Variants in L3MBTL4 observed in about 807,000 individuals in gnomAD.
L3MBTL4 encodes the protein lethal(3)malignant brain tumor-like protein 4.
Under a neutral mutation model 84.5 loss-of-function variants are expected in L3MBTL4, and 70 were observed. That is an observed-to-expected ratio of 0.83 (90% CI 0.68 to 1.01). L3MBTL4 has a LOEUF of 1.01. L3MBTL4 is among the 50% of genes least tolerant of loss of function. The pLI, the probability that L3MBTL4 is intolerant of heterozygous loss-of-function variation, is 0.00. For synonymous variants in L3MBTL4, 274 were observed against 259.8 expected (o/e 1.05, Z -0.52); for missense variants, 715 against 754.8 (o/e 0.95, Z 0.62).
chr18:5,958,561 C>T (rs1332542319), intron 18 of L3MBTL4, among the ~76,000 whole-genome samples: 1 of 152,142 alleles, frequency 6.6e-6, no homozygotes, highest in Non-Finnish European at 1.5e-5. Context: ...CTCCTGATAA[C>T]CCTGTAATAT....
At chr18:6,411,542 C>T (rs2055963592) in intron 1 of L3MBTL4, among the ~76,000 whole-genome samples, 1 of 152,172 alleles carries the variant, frequency 6.6e-6, no homozygotes, top group South Asian at 2.1e-4. Context: ...ACAAGACTAA[C>T]CACGCTGTTC....
chr18:6,238,007 A>T lies in L3MBTL4; in HGVS notation c.741T>A (p.Val247=). The change falls in exon 10 of 19, where the codon GTT becomes GTA. Residue 247 remains valine, a synonymous_variant. Transcript: ENST00000317931. ...TTCTTCCATTCTCCTGACACCAACCAACTGGCTGGACATAAGGGCTATTAA... is the reference window on the plus strand; with the variant it reads ...TTCTTCCATTCTCCTGACACCAACCTACTGGCTGGACATAAGGGCTATTAA... ...CDVNSPYVQP[V]GWCQENGRTL... is the part of the protein sequence containing the mutation. 6.2e-7 allele frequency: 1 copy of T among 1,614,168 alleles called. No homozygotes were observed.
At chr18:6,120,007 C>T (rs1406291737) in intron 14 of L3MBTL4, among the ~76,000 whole-genome samples, 1 of 152,200 alleles carries the variant, frequency 6.6e-6, no homozygotes, top group Non-Finnish European at 1.5e-5. Context: ...GTTCTGTTCA[C>T]TCATTTTCAA....
chr18:6,365,731 C>T (rs1356836062), intron 1 of L3MBTL4, among the ~76,000 whole-genome samples: 1 of 152,162 alleles, frequency 6.6e-6, no homozygotes, highest in Admixed American at 6.5e-5. Context: ...GCAAAAATGC[C>T]AGCTTTTGAA....
intron 14 of L3MBTL4, among the ~76,000 whole-genome samples, chr18:6,097,721 GC>G (rs1440040163): frequency 1.3e-5 from 2 of 152,162 alleles, no homozygotes; most frequent in Non-Finnish European, 2.9e-5. Flanking sequence ...AGCCTTGTGG[GC>G]TCCGGTTCCT....
chr18:6,237,055 A>G (rs2047244252), intron 10 of L3MBTL4, among the ~76,000 whole-genome samples: 2 of 152,184 alleles, frequency 1.3e-5, no homozygotes, highest in Admixed American at 1.3e-4. Flanking sequence ...TACAGCCTGT[A>G]TTTCTAATTC....
chr18:5,986,485 A>G (rs867699268), intron 16 of L3MBTL4, among the ~76,000 whole-genome samples: 6 of 152,236 alleles, frequency 3.9e-5, no homozygotes, highest in Admixed American at 6.5e-5. Flanking sequence ...GTCATCTTTA[A>G]TAAACATTCC....
At chr18:6,305,255 A>G (rs2050531223) in intron 3 of L3MBTL4, among the ~76,000 whole-genome samples, 1 of 152,240 alleles carries the variant, frequency 6.6e-6, no homozygotes. Context: ...TAGGTGACCT[A>G]AGGTCAAATC....
intron 15 of L3MBTL4, among the ~76,000 whole-genome samples, chr18:6,086,036 G>A (rs1401211056): frequency 2.0e-5 from 3 of 152,120 alleles, no homozygotes; most frequent in Non-Finnish European, 4.4e-5. Flanking sequence ...TGTGGATATT[G>A]TTAATGTTTT....
intron 5 of L3MBTL4, among the ~76,000 whole-genome samples, chr18:6,244,851 C>G (rs2047592533): frequency 6.6e-6 from 1 of 152,154 alleles, no homozygotes; most frequent in African/African-American, 2.4e-5. Flanking sequence ...TCATTCCACA[C>G]TGTGTACATA....
chr18:5,998,655 C>G (rs149229410), intron 16 of L3MBTL4, among the ~76,000 whole-genome samples: 1 of 152,282 alleles, frequency 6.6e-6, no homozygotes, highest in East Asian at 1.9e-4. Flanking sequence ...GGTGATCCAC[C>G]AGACTTCTCT....
At chr18:6,114,917 T>C in intron 14 of L3MBTL4, among the ~76,000 whole-genome samples, 1 of 152,118 alleles carries the variant, frequency 6.6e-6, no homozygotes, top group East Asian at 1.9e-4. Flanking sequence ...CACAGTGCTT[T>C]GGGAGACACA....
At chr18:6,146,974 AC>A (rs2042682557) in intron 13 of L3MBTL4, among the ~76,000 whole-genome samples, 1 of 151,860 alleles carries the variant, frequency 6.6e-6, no homozygotes, top group Admixed American at 6.6e-5. Context: ...TTCTCCACTG[AC>A]AGCTTTTATG....
At chr18:6,271,877 G>A (rs1281484160) in intron 4 of L3MBTL4, among the ~76,000 whole-genome samples, 1 of 152,196 alleles carries the variant, frequency 6.6e-6, no homozygotes, top group African/African-American at 2.4e-5. Context: ...GGGAGACACT[G>A]CTGGATCTGA....
At chr18:6,042,360 C>T (rs577361230) in intron 16 of L3MBTL4, among the ~76,000 whole-genome samples, 3 of 151,878 alleles carry the variant, frequency 2.0e-5, no homozygotes, top group South Asian at 2.1e-4. Context: ...CACACACATA[C>T]GTGCACACAC....
chr18:6,065,457 C>G (rs1227283178), intron 16 of L3MBTL4, among the ~76,000 whole-genome samples: 3 of 152,044 alleles, frequency 2.0e-5, no homozygotes, highest in Non-Finnish European at 1.5e-5. Flanking sequence ...TAGACTTCAG[C>G]TGTAAATCCA....
At chr18:6,134,854 G>A (rs1330478699) in intron 14 of L3MBTL4, among the ~76,000 whole-genome samples, 1 of 152,168 alleles carries the variant, frequency 6.6e-6, no homozygotes, top group East Asian at 1.9e-4. Flanking sequence ...GGGGTCTGGA[G>A]GACAGAGGCC....
chr18:6,050,528 T>C (rs1021266417), intron 16 of L3MBTL4, among the ~76,000 whole-genome samples: 7 of 152,216 alleles, frequency 4.6e-5, no homozygotes, highest in African/African-American at 1.7e-4. Context: ...TATTATTACC[T>C]GTGCACAATA....
At chr18:6,363,674 A>G (rs2053811323) in intron 1 of L3MBTL4, among the ~76,000 whole-genome samples, 1 of 152,118 alleles carries the variant, frequency 6.6e-6, no homozygotes, top group African/African-American at 2.4e-5. Context: ...TTCTATTCCC[A>G]TATTAGAGAG....
Sources: allele counts gnomAD v4.1 joint callset (sites outside exome capture counted in the v4.1 genomes callset), GRCh38; gene constraint gnomAD v4.1.1; transcripts MANE v1.5; gene names NCBI Gene and HGNC (gene_info 2026-07-23, HGNC 2026-07-21).